The following RBFOX1 variants were observed in gnomAD, a reference collection of about 807,000 sequenced individuals.
The protein encoded by RBFOX1 is RNA binding fox-1 homolog 1, also known as RNA binding protein fox-1 homolog 1.
In RBFOX1, 8 loss-of-function variants were observed where a neutral mutation model predicts 57.7. The observed-to-expected ratio is 0.14, with a 90% confidence interval of 0.08 to 0.25. The LOEUF is 0.25. Among genes scored for constraint, RBFOX1 ranks in the 10% least tolerant of loss-of-function variants. The pLI is 1.00. For missense variants in RBFOX1, 611 were observed against 548.5 expected, an observed-to-expected ratio of 1.11 and a Z score of -1.14; for synonymous variants, 326 against 222.4, an observed-to-expected ratio of 1.47 and a Z score of -4.15.
At chr16:6,022,889 G>C (rs1343427930) in intron 1 of RBFOX1, among the ~76,000 whole-genome samples, 1 of 152,136 alleles carries the variant, frequency 6.6e-6, no homozygotes, top group Non-Finnish European at 1.5e-5. Context: ...GCTGTACCCT[G>C]TGAAAAGATT....
At chr16:6,450,815 A>ATG (rs2094590126) in intron 2 of RBFOX1, among the ~76,000 whole-genome samples, 1 of 13,776 alleles carries the variant, frequency 7.3e-5, no homozygotes, top group African/African-American at 5.1e-4. Context: ...ATATATATAT[A>ATG]TACATATATA....
intron 3 of RBFOX1, among the ~76,000 whole-genome samples, chr16:7,020,039 T>C (rs991034162): frequency 6.6e-6 from 1 of 151,928 alleles, no homozygotes; most frequent in African/African-American, 2.4e-5. Flanking sequence ...TGTAGTGTTT[T>C]CTAGATCAGC....
intron 1 of RBFOX1, among the ~76,000 whole-genome samples, chr16:6,169,842 G>A (rs1395113465): frequency 6.6e-6 from 1 of 152,068 alleles, no homozygotes; most frequent in African/African-American, 2.4e-5. Flanking sequence ...TCAGCTCACT[G>A]CAACCTCTGC....
Position 5,760,998 on chromosome 16 carries a change from C to T in RBFOX1, c.319-106305C>T, listed in dbSNP as rs555357698. Among the ~76,000 whole-genome samples, 37 of 152,274 alleles carry T rather than the reference C, an allele frequency of 2.4e-4. No individual in the cohort carries two copies. The South Asian group carries it at 6.2e-3, about 26-fold the overall frequency. On this transcript the variant is annotated intron_variant, in intron 3 of 19. Transcript: ENST00000641259. ...GTAATTGTATGTTATGTAAACTTCA[C>T]CTCAATGAAAAACAGATAATGTGGT...
At chr16:5,720,214 T>C (rs76374368) in intron 3 of RBFOX1, among the ~76,000 whole-genome samples, 1,863 of 152,250 alleles carry the variant, frequency 0.012, 50 homozygotes, top group African/African-American at 0.042. Context: ...TCATTTGTAG[T>C]AGGTCTTTTT....
In RBFOX1 at chr16:6,850,047, C is replaced by T. The variant is rs947272864; in HGVS notation, c.-16+195397C>T. ...TTCTCAAAGAAATACACCATGTACTCCTTTGTGCATAGATACCTTCTTAAC... is the reference window on the plus strand; with the variant it reads ...TTCTCAAAGAAATACACCATGTACTTCTTTGTGCATAGATACCTTCTTAAC... On this transcript the variant is annotated intron_variant, in intron 3 of 15. Coordinates refer to ENST00000550418, the MANE Select transcript of RBFOX1 (RefSeq NM_018723.4). Among the ~76,000 whole-genome samples the T allele has an allele frequency of 4.6e-5, 7 of 152,138 alleles. No homozygotes were observed. The South Asian group carries it at 6.2e-4, about 13-fold the overall frequency.
At chr16:7,205,140 A>G (rs1442775068) in intron 4 of RBFOX1, among the ~76,000 whole-genome samples, 1 of 152,132 alleles carries the variant, frequency 6.6e-6, no homozygotes, top group Non-Finnish European at 1.5e-5. Flanking sequence ...TGATAGTAAG[A>G]TAGAGGCTGA....
At chr16:7,577,458 T>A (rs1396664668) in intron 5 of RBFOX1, among the ~76,000 whole-genome samples, 1 of 152,234 alleles carries the variant, frequency 6.6e-6, no homozygotes, top group Non-Finnish European at 1.5e-5. Context: ...TGTCTTGGAA[T>A]AGCCTCAGTC....
At chr16:5,565,690 T>A (rs1278287022) in intron 2 of RBFOX1, among the ~76,000 whole-genome samples, 1 of 151,932 alleles carries the variant, frequency 6.6e-6, no homozygotes, top group Admixed American at 6.6e-5. Context: ...TCGTTTTCCC[T>A]CTTTTATGAT....
At chr16:6,046,128 T>G (rs920306161) in intron 1 of RBFOX1, among the ~76,000 whole-genome samples, 7 of 152,140 alleles carry the variant, frequency 4.6e-5, no homozygotes, top group African/African-American at 1.7e-4. Context: ...AATGATTACT[T>G]TGGCTGCTAT....
At chr16:5,999,867 C>CAAAAAA (rs869221577) in intron 4 of RBFOX1, among the ~76,000 whole-genome samples, 2 of 27,674 alleles carry the variant, frequency 7.2e-5, no homozygotes, top group Admixed American at 5.7e-4. Flanking sequence ...GACTCCACCT[C>CAAAAAA]AAAAAAAAAA....
At chr16:6,747,444 T>C (rs112275885) in intron 3 of RBFOX1, among the ~76,000 whole-genome samples, 61 of 83,412 alleles carry the variant, frequency 7.3e-4, no homozygotes, top group East Asian at 2.1e-3. Flanking sequence ...GTCAGTCAGT[T>C]AGTCTGTCTG....
chr16:6,947,250 C>T (rs540460341), intron 3 of RBFOX1, among the ~76,000 whole-genome samples: 2 of 152,248 alleles, frequency 1.3e-5, no homozygotes, highest in East Asian at 1.9e-4. Context: ...GTCAGAAGCT[C>T]TTCTTATTTT....
At chr16:6,122,520 A>G (rs192187957) in intron 1 of RBFOX1, among the ~76,000 whole-genome samples, 10 of 152,232 alleles carry the variant, frequency 6.6e-5, no homozygotes, top group African/African-American at 2.2e-4. Flanking sequence ...TGAAGACATA[A>G]TACCCTGCCA....
chr16:5,920,261 A>T (rs1464886864), intron 4 of RBFOX1, among the ~76,000 whole-genome samples: 1 of 152,178 alleles, frequency 6.6e-6, no homozygotes, highest in Non-Finnish European at 1.5e-5. Context: ...CTGTAGAAGG[A>T]AGTACTGTAT....
chr16:5,554,095 C>T (rs111457348), intron 2 of RBFOX1, among the ~76,000 whole-genome samples: 7,373 of 151,786 alleles, frequency 0.049, 192 homozygotes, highest in East Asian at 0.1. Flanking sequence ...TTAATCCTCC[C>T]GAGTAGCTGG....
chr16:6,188,185 T>C (rs929947764), intron 1 of RBFOX1, among the ~76,000 whole-genome samples: 6 of 152,148 alleles, frequency 3.9e-5, no homozygotes, highest in African/African-American at 1.4e-4. Flanking sequence ...AATCCATATA[T>C]AAGTAAGCCT....
chr16:7,461,907 G>C (rs1482527152), intron 4 of RBFOX1, among the ~76,000 whole-genome samples: 1 of 152,186 alleles, frequency 6.6e-6, no homozygotes, highest in East Asian at 1.9e-4. Context: ...ACCCACTCCA[G>C]AGAGACTTCT....
At position 6,189,059 on chromosome 16, in the gene RBFOX1, T is replaced by G. The variant is rs1346553110; in HGVS notation, c.-126-127936T>G. On this transcript the variant is annotated intron_variant, in intron 1 of 15. Coordinates refer to ENST00000550418, the MANE Select transcript of RBFOX1 (RefSeq NM_018723.4). Reference sequence around the variant, plus strand: ...CTGGGCACAGATGCTAAGTCTTCCATGTTTTATGTGGTTTCAGATGACCTC... The same window carrying G: ...CTGGGCACAGATGCTAAGTCTTCCAGGTTTTATGTGGTTTCAGATGACCTC... Among the ~76,000 whole-genome samples the G allele has an allele frequency of 2.0e-5, 3 of 152,228 alleles. No individual in the cohort carries two copies. In the East Asian group the frequency reaches 5.8e-4, roughly 29 times the overall value.
Sources: allele counts gnomAD v4.1 joint callset (sites outside exome capture counted in the v4.1 genomes callset), GRCh38; gene constraint gnomAD v4.1.1; transcripts MANE v1.5; gene names NCBI Gene and HGNC (gene_info 2026-07-23, HGNC 2026-07-21).